Variants in ABCG5 observed in about 807,000 individuals in gnomAD.
ABCG5 encodes the protein ATP binding cassette subfamily G member 5.
In ABCG5, 64 loss-of-function variants were observed where a neutral mutation model predicts 64.5. The observed-to-expected ratio is 0.99, with a 90% CI of 0.81 to 1.22. The LOEUF is 1.22. ABCG5 is among the 50% of genes most tolerant of loss of function. The pLI, the probability that ABCG5 is intolerant of heterozygous loss-of-function variation, is 0.00. For synonymous variants in ABCG5, 385 were observed against 326.3 expected (o/e 1.18, Z -1.94); for missense variants, 908 against 829.5 (o/e 1.09, Z -1.16).
chr2:43,822,653 A>T, intron 10 of ABCG5, 144 bp downstream of exon 10: 1 of 1,542,172 alleles, frequency 6.5e-7, no homozygotes, highest in Non-Finnish European at 8.8e-7. Context: ...GTCCTGGAAG[A>T]TACGACATTG....
At chr2:43,810,655 A>T, downstream of ABCG5, 4 of 342,980 alleles carry the variant, frequency 1.2e-5, no homozygotes, top group Non-Finnish European at 1.6e-5. Flanking sequence ...AGCAGATAGC[A>T]AGCCATCTGC....
rs1479033652 is a variant in ABCG5, at chr2:43,824,961, C to T, written c.832G>A (p.Ala278Thr). Residue 278 changes from alanine to threonine, a missense_variant, in exon 7 of 13, where the codon GCG becomes ACG. Transcript: ENST00000405322. The part of the protein sequence containing the change: ...FGELIFCGTP[A>T]EMLDFFNDCG... Reference sequence around the variant, plus strand: ...TCATTGAAGAAATCAAGCATTTCCGCTGGCGTGCCACAGAAAATCAGCTCT... The same window carrying T: ...TCATTGAAGAAATCAAGCATTTCCGTTGGCGTGCCACAGAAAATCAGCTCT... 6.2e-7 allele frequency: 1 copy of T among 1,614,044 alleles called. No homozygotes were observed. Among genetic ancestry groups the T allele is most frequent in the Admixed American group, 1.7e-5 (1 of 60,018 alleles).
intron 2 of ABCG5, among the ~76,000 whole-genome samples, chr2:43,832,861 G>A (rs1044732115): frequency 6.6e-6 from 1 of 152,192 alleles, no homozygotes; most frequent in Non-Finnish European, 1.5e-5. Flanking sequence ...CCAGGCTGGA[G>A]TGCAGTGGCA....
rs771712421 is a variant in ABCG5 at position 43,824,130 on chromosome 2, C to T, written c.1119-12G>A. 6 of 1,614,094 alleles carry T rather than the reference C, an allele frequency of 3.7e-6. No homozygotes were observed. The highest frequency in any genetic ancestry group is 4.2e-6 in the Non-Finnish European group (5 of 1,180,032). On this transcript the variant is annotated splice_polypyrimidine_tract_variant and intron_variant, in intron 8 of 12. Coordinates refer to ENST00000405322, the MANE Select transcript of ABCG5 (RefSeq NM_022436.3). ...TTCTTGTCACTCTCCTGAAAACAAA[C>T]AACCCTGTTTTAATTCCTTTTCAGA... is the stretch of plus-strand genomic sequence containing the variant.
intron 12 of ABCG5, among the ~76,000 whole-genome samples, chr2:43,813,786 G>A (rs1173072966): frequency 2.3e-5 from 3 of 129,770 alleles, no homozygotes; most frequent in African/African-American, 8.8e-5. Flanking sequence ...GGCTCGATCT[G>A]GGCTCACTGC....
chr2:43,808,429 G>A (rs3792010), downstream of ABCG5, among the ~76,000 whole-genome samples: 40,930 of 152,112 alleles, frequency 0.27, 6,551 homozygotes, highest in African/African-American at 0.45. Context: ...GTGAACTTCA[G>A]TTATGTTAGC....
chr2:43,818,067 G>A (rs1666957651), intron 11 of ABCG5, among the ~76,000 whole-genome samples: 1 of 152,108 alleles, frequency 6.6e-6, no homozygotes, highest in South Asian at 2.1e-4. Flanking sequence ...ATAAATTGTT[G>A]AATATTTAAT....
intron 4 of ABCG5, chr2:43,828,394 G>A: frequency 2.2e-6 from 1 of 461,370 alleles, no homozygotes; most frequent in South Asian, 1.9e-5. Context: ...CCAATACTTT[G>A]GAAGGCTGAG....
intron 4 of ABCG5, among the ~76,000 whole-genome samples, chr2:43,830,334 G>A (rs765324107): frequency 1.4e-4 from 21 of 152,172 alleles, no homozygotes; most frequent in Non-Finnish European, 2.1e-4. Flanking sequence ...TCAAACCCAG[G>A]AGAAATGCAT....
intron 10 of ABCG5, among the ~76,000 whole-genome samples, chr2:43,821,856 A>C (rs940984328): frequency 1.3e-5 from 2 of 150,386 alleles, no homozygotes; most frequent in African/African-American, 2.5e-5. Context: ...CATCATCTCT[A>C]TTTTTCATTC....
chr2:43,835,475 C>A (rs1028903987), intron 2 of ABCG5, among the ~76,000 whole-genome samples: 5 of 152,092 alleles, frequency 3.3e-5, no homozygotes, highest in African/African-American at 1.2e-4. Flanking sequence ...CTGAGAATGA[C>A]CCTGGATGTT....
chr2:43,809,742 G>A, downstream of ABCG5: 2 of 1,611,764 alleles, frequency 1.2e-6, no homozygotes, highest in Non-Finnish European at 1.7e-6. Flanking sequence ...TCCAAGTCTT[G>A]GAAACAAATC....
Position 43,833,363 on chromosome 2 carries a change from A to ATATTATTATTAT in ABCG5, c.266-1292_266-1281dup, listed in dbSNP as rs67113914. On this transcript the variant is annotated intron_variant, in intron 2 of 12. Transcript: ENST00000405322. ...AGAGCCAAAGAGATCTTTTGTTGAAATATTATTATTATTATTATTATTATT... is the reference window on the plus strand; with the variant it reads ...AGAGCCAAAGAGATCTTTTGTTGAAATATTATTATTATTATTATTATTATTATTATTATTATT... Among the ~76,000 whole-genome samples, 583 of 144,220 alleles carry ATATTATTATTAT rather than the reference A, an allele frequency of 4.0e-3. 1 individual carries two copies. Among genetic ancestry groups the ATATTATTATTAT allele is most frequent in the Middle Eastern group, 0.018 (5 of 276 alleles). 94.6% of individuals were successfully genotyped at this position (144,220 alleles called of 152,430 possible). A position where few individuals can be genotyped will look rare whatever the true frequency, so the allele number is the denominator to read the frequency against.
intron 10 of ABCG5, among the ~76,000 whole-genome samples, chr2:43,821,902 T>C (rs112757465): frequency 2.6e-5 from 4 of 152,074 alleles, no homozygotes; most frequent in African/African-American, 9.7e-5. Context: ...ACCCCATCTT[T>C]GAAAGTGTGA....
intron 10 of ABCG5, among the ~76,000 whole-genome samples, chr2:43,821,346 T>A (rs1667186046): frequency 6.6e-6 from 1 of 152,218 alleles, no homozygotes; most frequent in African/African-American, 2.4e-5. Flanking sequence ...TGATGAGCCA[T>A]CCACATCAGT....
intron 6 of ABCG5, among the ~76,000 whole-genome samples, chr2:43,825,968 A>C (rs1022127695): frequency 6.7e-6 from 1 of 149,174 alleles, no homozygotes; most frequent in Non-Finnish European, 1.5e-5. Flanking sequence ...ATTCTCTAGC[A>C]CTAACGGTTT....
At chr2:43,806,470 A>T in the ABCG5 span, among the ~76,000 whole-genome samples, 9 of 152,330 alleles carry the variant, frequency 5.9e-5, no homozygotes, top group East Asian at 1.7e-3. Context: ...TTTGAAAAAT[A>T]TGCCATGAAT....
chr2:43,809,805 C>T (rs1257738403), downstream of ABCG5: 1 of 1,569,716 alleles, frequency 6.4e-7, no homozygotes, highest in East Asian at 2.3e-5. Context: ...TCTTCTTTTC[C>T]AAATACAAAT....
At position 43,838,184 on chromosome 2, in the gene ABCG5, G is replaced by A. The variant is rs756275480; in HGVS notation, c.144-229C>T. Reference sequence around the variant, plus strand: ...TGGAGTTGCTCTGAATGTCCTGTCCGTTTGGCTGCGAGGTGGCTGTCCCTG... The same window carrying A: ...TGGAGTTGCTCTGAATGTCCTGTCCATTTGGCTGCGAGGTGGCTGTCCCTG... On this transcript the variant is annotated intron_variant, in intron 1 of 12. Coordinates refer to ENST00000405322, the MANE Select transcript of ABCG5 (RefSeq NM_022436.3). This position sits in a 1 kb window ranked among gnomAD's most constrained non-coding sequence, Gnocchi z 4.2. 1.7e-4 allele frequency: 103 copies of A among 613,832 alleles called. 1 individual carries two copies. The highest frequency in any genetic ancestry group is 4.4e-4 in the Middle Eastern group (1 of 2,298). The allele number at this position is 613,832 out of a possible 1,614,324, so 38.0% of individuals were successfully genotyped here. A position where few individuals can be genotyped will look rare whatever the true frequency, so the allele number is the denominator to read the frequency against.
Sources: allele counts gnomAD v4.1 joint callset (sites outside exome capture counted in the v4.1 genomes callset), GRCh38; gene constraint gnomAD v4.1.1; non-coding constraint Gnocchi (gnomAD v3.1); transcripts MANE v1.5; gene names NCBI Gene and HGNC (gene_info 2026-07-23, HGNC 2026-07-21).